Variants in RMND5A observed in about 807,000 individuals in gnomAD.
RMND5A encodes required for meiotic nuclear division 5 homolog A.
In RMND5A, 17 loss-of-function variants were observed where a neutral mutation model predicts 49.7. That is an observed-to-expected ratio of 0.34 (90% CI 0.23 to 0.51). The LOEUF is 0.51. RMND5A is among the 20% of genes least tolerant of loss of function. RMND5A has a pLI of 0.96. For synonymous variants in RMND5A, 156 were observed against 167.7 expected, an observed-to-expected ratio of 0.93 and a Z score of 0.54; for missense variants, 255 against 471.3, an observed-to-expected ratio of 0.54 and a Z score of 4.25.
chr2:86,747,372 T>C (rs749501333), intron 2 of RMND5A, among the ~76,000 whole-genome samples: 13 of 152,346 alleles, frequency 8.5e-5, no homozygotes, highest in Non-Finnish European at 1.8e-4. Flanking sequence ...TTGAGAGGTG[T>C]GTGTTTGTTT....
At chr2:86,745,987 T>G (rs1460804918) in intron 2 of RMND5A, among the ~76,000 whole-genome samples, 2 of 152,226 alleles carry the variant, frequency 1.3e-5, no homozygotes, top group Non-Finnish European at 2.9e-5. Flanking sequence ...AACCTCATTA[T>G]CTAAACAGAT....
intron 1 of RMND5A, chr2:86,721,157 G>T (rs936460154): frequency 7.9e-6 from 2 of 253,472 alleles, no homozygotes; most frequent in South Asian, 4.9e-5. Context: ...AGCCGGCCCC[G>T]GGAGTCTCAC....
Position 86,765,908 on chromosome 2 carries a change from G to C in RMND5A, c.738G>C (p.Glu246Asp). The C allele has an allele frequency of 6.2e-7, 1 of 1,614,122 alleles. No homozygotes were observed. Among genetic ancestry groups the C allele is most frequent in the Non-Finnish European group, 8.5e-7 (1 of 1,180,012 alleles). Residue 246 changes from glutamate (E) to aspartate (D), a missense_variant, in exon 6 of 9, where the codon GAG becomes GAC. Physicochemically the swap from Glu to Asp is conservative, Grantham distance 45. Transcript: ENST00000283632. ...GSLVYLRQGI[E>D]NSPYVHLLDA... ...TTGTGTACCTGAGACAAGGGATTGAGAACTCACCATATGTTCACCTACTTG... is the reference window on the plus strand; with the variant it reads ...TTGTGTACCTGAGACAAGGGATTGACAACTCACCATATGTTCACCTACTTG...
At position 86,726,204 on chromosome 2, in the gene RMND5A, A is replaced by T. The variant is rs1276159010; in HGVS notation, c.142+5395A>T. 2.8e-5 allele frequency among the ~76,000 whole-genome samples: 2 copies of T among 70,268 alleles called. 1 individual carries two copies. Among genetic ancestry groups the T allele is most frequent in the African/African-American group, 1.3e-4 (2 of 15,682 alleles). 46.1% of individuals were successfully genotyped at this position (70,268 alleles called of 152,430 possible). A position where few individuals can be genotyped will look rare whatever the true frequency, so the allele number is the denominator to read the frequency against. ...AGAATTTGGGTTGTGTATATTAAAC[A>T]CATGTGTTGAAAAGTATGCTTATTT... On this transcript the variant is annotated intron_variant, in intron 1 of 8. Transcript: ENST00000283632.
intron 1 of RMND5A, among the ~76,000 whole-genome samples, chr2:86,734,999 A>G (rs1681391463): frequency 6.8e-6 from 1 of 148,000 alleles, no homozygotes; most frequent in Admixed American, 6.6e-5. Flanking sequence ...GAAATGACAC[A>G]ATATGTGGCC....
chr2:86,764,724 G>A (rs533933174), intron 4 of RMND5A, among the ~76,000 whole-genome samples: 9 of 152,280 alleles, frequency 5.9e-5, no homozygotes, highest in African/African-American at 2.2e-4. Context: ...TGTGAATCTC[G>A]TGGCTGACAC....
At chr2:86,720,909 C>G (rs1681197489) in intron 1 of RMND5A, 100 bp downstream of exon 1, 6 of 1,146,338 alleles carry the variant, frequency 5.2e-6, no homozygotes, top group Non-Finnish European at 5.9e-6. Context: ...CGCCTCTGGC[C>G]CGGCCCTTGC....
chr2:86,753,946 G>A (rs772720807), intron 4 of RMND5A, among the ~76,000 whole-genome samples: 11 of 152,164 alleles, frequency 7.2e-5, no homozygotes, highest in Admixed American at 3.3e-4. Flanking sequence ...GAAATTATTG[G>A]TTATTGGAAC....
intron 6 of RMND5A, among the ~76,000 whole-genome samples, chr2:86,768,240 G>T (rs1672632412): frequency 6.6e-6 from 1 of 152,146 alleles, no homozygotes; most frequent in Non-Finnish European, 1.5e-5. Context: ...AACATTTTAA[G>T]AAACTGTTGT....
At position 86,765,783 on chromosome 2, in the gene RMND5A, T is replaced by C. The variant is rs1672579631; in HGVS notation, c.689-76T>C. On this transcript the variant is annotated intron_variant, in intron 5 of 8. Transcript: ENST00000283632. ...TACATTATTTTAGGCTGTATCAGTA[T>C]GGGTGGGGGTATTCTTGCTTTTCGC... 17 of 1,272,430 alleles carry C rather than the reference T, an allele frequency of 1.3e-5. 1 individual carries two copies. In the South Asian group the frequency reaches 2.2e-4, roughly 17 times the overall value. 78.8% of individuals were successfully genotyped at this position (1,272,430 alleles called of 1,614,324 possible).
At chr2:86,771,280 G>A (rs924554165) in intron 7 of RMND5A, 1 of 308,346 alleles carries the variant, frequency 3.2e-6, no homozygotes, top group Non-Finnish European at 6.0e-6. Context: ...CCTAAAGACT[G>A]TGTGTCAAGC....
chr2:86,750,502 CAT>C (rs35871502), intron 2 of RMND5A, among the ~76,000 whole-genome samples: 100,707 of 151,776 alleles, frequency 0.66, 33,594 homozygotes, highest in East Asian at 0.91. Context: ...CTGTAAGTAA[CAT>C]GTCACTTTTC....
chr2:86,768,972 G>A (rs909809213), intron 6 of RMND5A, among the ~76,000 whole-genome samples: 2 of 152,110 alleles, frequency 1.3e-5, no homozygotes, highest in Non-Finnish European at 2.9e-5. Context: ...TTGAAACAGG[G>A]TCTCATTCTG....
intron 4 of RMND5A, among the ~76,000 whole-genome samples, chr2:86,757,848 C>T (rs1243198342): frequency 6.6e-6 from 1 of 152,138 alleles, no homozygotes; most frequent in African/African-American, 2.4e-5. Flanking sequence ...TGCTAAGCTG[C>T]GTACATAGTT....
chr2:86,760,525 G>A (rs1373361418), intron 4 of RMND5A, among the ~76,000 whole-genome samples: 1 of 152,186 alleles, frequency 6.6e-6, no homozygotes, highest in Admixed American at 6.5e-5. Context: ...CAGCTCTTCA[G>A]TCTACACATC....
chr2:86,720,914 C>T (rs1366741166), intron 1 of RMND5A, 105 bp downstream of exon 1: 9 of 1,103,486 alleles, frequency 8.2e-6, no homozygotes, highest in Middle Eastern at 3.1e-4. Flanking sequence ...CTGGCCCGGC[C>T]CTTGCCTCCC....
chr2:86,757,590 GA>G (rs540280198), intron 4 of RMND5A, among the ~76,000 whole-genome samples: 12 of 152,052 alleles, frequency 7.9e-5, no homozygotes, highest in Non-Finnish European at 1.6e-4. Context: ...GGAAATATTA[GA>G]AAAAATAGGA....
rs1466744236 is a variant in RMND5A, at chr2:86,777,609, T to G, written c.*4198T>G. The stretch of plus-strand genomic sequence containing the variant: ...GATTGTATTTATTTTGCTTACCCCG[T>G]GCTCTTGGGTTCTATAGTATTTCTA... On this transcript the variant is annotated 3_prime_UTR_variant, in exon 9 of 9. Transcript: ENST00000283632. The G allele has an allele frequency of 6.6e-6, 1 of 152,258 alleles. No individual in the cohort carries two copies. The highest frequency in any genetic ancestry group is 2.1e-4 in the South Asian group (1 of 4,832). The allele number at this position is 152,258 out of a possible 1,614,324, so 9.4% of individuals were successfully genotyped here. A position where few individuals can be genotyped will look rare whatever the true frequency, so the allele number is the denominator to read the frequency against.
At chr2:86,753,611 A>C (rs907895120) in intron 4 of RMND5A, 53 bp downstream of exon 4, 7 of 899,360 alleles carry the variant, frequency 7.8e-6, no homozygotes, top group Non-Finnish European at 1.2e-5. Flanking sequence ...TCTGTAAGAA[A>C]ACTCAATCAG....
Sources: allele counts gnomAD v4.1 joint callset (sites outside exome capture counted in the v4.1 genomes callset), GRCh38; gene constraint gnomAD v4.1.1; transcripts MANE v1.5; gene names NCBI Gene and HGNC (gene_info 2026-07-23, HGNC 2026-07-21).